SPATA7: variants seen among roughly 807,000 people sequenced by gnomAD.
The protein encoded by SPATA7 is spermatogenesis associated 7.
Under a neutral mutation model 51.8 loss-of-function variants are expected in SPATA7, and 43 were observed. That is an observed-to-expected ratio of 0.83 (90% CI 0.65 to 1.07). The LOEUF is 1.07. Among genes scored for constraint, SPATA7 ranks in the 50% least tolerant of loss-of-function variants. SPATA7 has a pLI of 0.00. For synonymous variants in SPATA7, 230 were observed against 252.8 expected (o/e 0.91, Z 0.86); for missense variants, 683 against 701.3 (o/e 0.97, Z 0.30).
Position 88,385,697 on chromosome 14 carries a change from C to T in SPATA7, c.-122C>T, listed in dbSNP as rs2075547958. 1 of 977,266 alleles carries T rather than the reference C, an allele frequency of 1.0e-6. No homozygotes were observed. The highest frequency in any genetic ancestry group is 2.6e-5 in the East Asian group (1 of 38,684). The allele number at this position is 977,266 out of a possible 1,614,324, so 60.5% of individuals were successfully genotyped here. A position where few individuals can be genotyped will look rare whatever the true frequency, so the allele number is the denominator to read the frequency against. On this transcript the variant is annotated 5_prime_UTR_variant, in exon 1 of 12. Transcript: ENST00000393545. ...TAGCAACGGCCTGGCAACGGTTTCCCTGCTGCTGCAGCCCCCGTCGGCTCC... is the reference window on the plus strand; with the variant it reads ...TAGCAACGGCCTGGCAACGGTTTCCTTGCTGCTGCAGCCCCCGTCGGCTCC...
At chr14:88,451,201 C>T (rs1004379483) in intron 3 of SPATA7, among the ~76,000 whole-genome samples, 5 of 152,166 alleles carry the variant, frequency 3.3e-5, no homozygotes, top group African/African-American at 1.2e-4. Context: ...TGGAGATTCA[C>T]TCTTGTCGCC....
intron 4 of SPATA7, among the ~76,000 whole-genome samples, chr14:88,412,285 C>T (rs143504385): frequency 3.3e-5 from 5 of 150,256 alleles, no homozygotes; most frequent in African/African-American, 1.2e-4. Context: ...AGGGACAGAA[C>T]TAATGAAATA....
downstream of SPATA7, among the ~76,000 whole-genome samples, chr14:88,443,054 C>T (rs1042502506): frequency 2.6e-5 from 4 of 151,764 alleles, no homozygotes; most frequent in Admixed American, 6.6e-5. Context: ...AAGCAACTCT[C>T]CTGCCTCAGC....
downstream of SPATA7, among the ~76,000 whole-genome samples, chr14:88,459,300 C>G (rs879880726): frequency 3.0e-4 from 45 of 152,152 alleles, 1 homozygote; most frequent in African/African-American, 1.0e-3. Flanking sequence ...TCTCGTTTAT[C>G]TGTCTAAGGT....
chr14:88,438,211 G>C lies in SPATA7; in HGVS notation c.1589G>C (p.Ser530Thr), dbSNP rs2077145868. 1 of 1,614,006 alleles carries C rather than the reference G, an allele frequency of 6.2e-7. No individual in the cohort carries two copies. Residue 530 changes from serine (S) to threonine (T), a missense_variant, in exon 12 of 12, where the codon AGT becomes ACT. Transcript: ENST00000393545. ...LDENHPSISD[S>T]LTDRETSVNV... Reference sequence around the variant, plus strand: ...GAAAATCATCCAAGTATTTCAGACAGTTTAACAGATCGGGAAACTTCTGTG... The same window carrying C: ...GAAAATCATCCAAGTATTTCAGACACTTTAACAGATCGGGAAACTTCTGTG...
chr14:88,400,367 A>G (rs559724345), intron 4 of SPATA7, among the ~76,000 whole-genome samples: 6 of 152,344 alleles, frequency 3.9e-5, no homozygotes, highest in African/African-American at 1.4e-4. Context: ...ACTTACATTA[A>G]AAGAGGGGAT....
At chr14:88,388,108 AG>A (rs2075633447) in intron 1 of SPATA7, among the ~76,000 whole-genome samples, 1 of 152,094 alleles carries the variant, frequency 6.6e-6, no homozygotes, top group Non-Finnish European at 1.5e-5. Flanking sequence ...AGGCTAAGGC[AG>A]GAGAATCACT....
chr14:88,468,369 A>T, intron 4 of SPATA7: 1 of 1,155,018 alleles, frequency 8.7e-7, no homozygotes, highest in Non-Finnish European at 1.2e-6. Flanking sequence ...GGAGATGGAC[A>T]GTCTCTTTTC....
intron 4 of SPATA7, among the ~76,000 whole-genome samples, chr14:88,411,768 C>A (rs548190157): frequency 6.8e-4 from 103 of 152,238 alleles, no homozygotes; most frequent in African/African-American, 2.3e-3. Context: ...AATGGACACC[C>A]AGGTTGGTTC....
intron 4 of SPATA7, among the ~76,000 whole-genome samples, chr14:88,404,616 C>T (rs1336161630): frequency 6.6e-6 from 1 of 152,078 alleles, no homozygotes; most frequent in Non-Finnish European, 1.5e-5. Context: ...ACTCGGGAGG[C>T]TGAGACATGA....
At chr14:88,448,560 T>C (rs2077230061) in intron 3 of SPATA7, among the ~76,000 whole-genome samples, 1 of 152,230 alleles carries the variant, frequency 6.6e-6, no homozygotes, top group Non-Finnish European at 1.5e-5. Context: ...GGAGAGGCGC[T>C]CTGCTTTTTA....
intron 4 of SPATA7, among the ~76,000 whole-genome samples, chr14:88,397,628 G>C (rs533717038): frequency 3.3e-5 from 5 of 149,280 alleles, no homozygotes; most frequent in Middle Eastern, 6.9e-3. Context: ...AGGTGACAGG[G>C]AGATGCTGTC....
chr14:88,403,910 AAAG>A (rs2076137502), intron 4 of SPATA7, among the ~76,000 whole-genome samples: 1 of 152,198 alleles, frequency 6.6e-6, no homozygotes. Context: ...ACCACAAAAA[AAAG>A]AAAAAGTAGC....
chr14:88,437,737 A>G, intron 11 of SPATA7, 101 bp from the exon 12 acceptor site: 3 of 1,353,916 alleles, frequency 2.2e-6, no homozygotes, highest in Admixed American at 2.2e-5. Context: ...TGGTGGGAGA[A>G]GTGAAAGGAA....
At chr14:88,441,482 C>A (rs1443746794), downstream of SPATA7, among the ~76,000 whole-genome samples, 1 of 152,102 alleles carries the variant, frequency 6.6e-6, no homozygotes, top group Non-Finnish European at 1.5e-5. Context: ...AAAAGTGTTC[C>A]CTGTTCACCA....
At chr14:88,413,454 C>A (rs2076394921) in intron 4 of SPATA7, among the ~76,000 whole-genome samples, 1 of 152,154 alleles carries the variant, frequency 6.6e-6, no homozygotes, top group Non-Finnish European at 1.5e-5. Context: ...TTGGCAGCAT[C>A]TTTAGGGTTT....
At chr14:88,391,477 G>A in intron 2 of SPATA7, 22 bp downstream of exon 2, 1 of 1,602,778 alleles carries the variant, frequency 6.2e-7, no homozygotes, top group South Asian at 1.1e-5. Flanking sequence ...GCTTAAAACG[G>A]CAGCTTTGTT....
intron 5 of SPATA7, among the ~76,000 whole-genome samples, chr14:88,425,785 G>A (rs970333781): frequency 4.7e-4 from 71 of 152,092 alleles, no homozygotes; most frequent in African/African-American, 1.4e-3. Context: ...GTTCCTTTTC[G>A]TTTCTTTAAA....
At chr14:88,431,101 T>C in intron 8 of SPATA7, 71 bp from the exon 9 acceptor site, 1 of 1,288,674 alleles carries the variant, frequency 7.8e-7, no homozygotes, top group African/African-American at 1.5e-5. Flanking sequence ...TGTACTAATA[T>C]ACAATGTTAT....
Sources: allele counts gnomAD v4.1 joint callset (sites outside exome capture counted in the v4.1 genomes callset), GRCh38; gene constraint gnomAD v4.1.1; transcripts MANE v1.5; gene names NCBI Gene and HGNC (gene_info 2026-07-23, HGNC 2026-07-21).